The following RAB1A variants were observed in gnomAD, a reference collection of about 807,000 sequenced individuals.
RAB1A encodes the protein RAB1A, member RAS oncogene family, also known as ras-related protein Rab-1A.
A neutral mutation model predicts 26.0 loss-of-function variants in RAB1A; 2 were observed. The ratio of observed to expected loss-of-function variants is 0.08; its 90% CI spans 0.03 to 0.24. The LOEUF (loss-of-function observed/expected upper bound fraction) is 0.24, where lower values mean the gene tolerates loss of function less well. Among genes scored for constraint, RAB1A ranks in the 10% least tolerant of loss-of-function variants. The probability of loss-of-function intolerance (pLI) is 1.00; values close to 1 mark genes in which losing one functional copy is unlikely to be tolerated. For synonymous variants in RAB1A, 84 were observed against 84.9 expected (o/e 0.99, Z 0.06); for missense variants, 100 against 247.0 (o/e 0.40, Z 3.99).
At chr2:65,097,662 C>A (rs938620743) in intron 3 of RAB1A, among the ~76,000 whole-genome samples, 1 of 152,112 alleles carries the variant, frequency 6.6e-6, no homozygotes. Flanking sequence ...TGGTCTATAA[C>A]ATTTGCAGTG....
intron 1 of RAB1A, among the ~76,000 whole-genome samples, chr2:65,115,853 G>C (rs890611363): frequency 3.9e-5 from 6 of 152,146 alleles, no homozygotes; most frequent in African/African-American, 9.7e-5. Context: ...GTTTAGAACA[G>C]TATTCTAAAA....
At chr2:65,102,192 C>T (rs1280946650) in intron 2 of RAB1A, among the ~76,000 whole-genome samples, 1 of 151,904 alleles carries the variant, frequency 6.6e-6, no homozygotes, top group Admixed American at 6.6e-5. Flanking sequence ...TTTGCTATTG[C>T]CATTAGTTTT....
At chr2:65,128,873 A>G (rs893480575) in intron 1 of RAB1A, among the ~76,000 whole-genome samples, 1 of 152,232 alleles carries the variant, frequency 6.6e-6, no homozygotes, top group Non-Finnish European at 1.5e-5. Flanking sequence ...GGAGAGCCCA[A>G]CAAACTCTAC....
At chr2:65,089,834 C>CTAGGA (rs1280065554) in intron 4 of RAB1A, among the ~76,000 whole-genome samples, 1 of 151,956 alleles carries the variant, frequency 6.6e-6, no homozygotes, top group Non-Finnish European at 1.5e-5. Flanking sequence ...TCCCAAGTGG[C>CTAGGA]TAGGATTACA....
intron 2 of RAB1A, among the ~76,000 whole-genome samples, chr2:65,101,513 C>A (rs529705922): frequency 6.6e-6 from 1 of 152,106 alleles, no homozygotes; most frequent in South Asian, 2.1e-4. Flanking sequence ...AAACCTTTGA[C>A]TTCAAGCAAT....
chr2:65,098,822 A>G (rs1669349835), intron 2 of RAB1A, among the ~76,000 whole-genome samples: 1 of 146,800 alleles, frequency 6.8e-6, no homozygotes, highest in South Asian at 2.1e-4. Flanking sequence ...ATGTTGTACC[A>G]TGTAACAGTA....
At chr2:65,113,967 G>C (rs906339555) in intron 1 of RAB1A, among the ~76,000 whole-genome samples, 2 of 152,156 alleles carry the variant, frequency 1.3e-5, no homozygotes, top group African/African-American at 4.8e-5. Flanking sequence ...GAAAGGAGGA[G>C]AAAAGCGTTT....
chr2:65,120,128 C>T (rs1558587285), intron 1 of RAB1A, among the ~76,000 whole-genome samples: 2 of 151,828 alleles, frequency 1.3e-5, no homozygotes, highest in South Asian at 4.1e-4. Flanking sequence ...TTCATCTAAC[C>T]CACTTTAAGA....
chr2:65,120,556 T>C (rs1558587482), intron 1 of RAB1A, among the ~76,000 whole-genome samples: 1 of 151,694 alleles, frequency 6.6e-6, no homozygotes, highest in Admixed American at 6.6e-5. Flanking sequence ...ATATTGATAA[T>C]GATAGTTAAC....
intron 1 of RAB1A, among the ~76,000 whole-genome samples, chr2:65,107,952 T>C (rs1669600412): frequency 1.3e-5 from 2 of 151,362 alleles, no homozygotes; most frequent in Non-Finnish European, 2.9e-5. Context: ...TAATCTCAGC[T>C]ACTTGAGAGG....
chr2:65,095,407 T>C (rs989141134), intron 3 of RAB1A, among the ~76,000 whole-genome samples: 1 of 152,004 alleles, frequency 6.6e-6, no homozygotes, highest in African/African-American at 2.4e-5. Flanking sequence ...TGGGGTGCAA[T>C]GGTGCAATCT....
chr2:65,114,761 C>T (rs531876477), intron 1 of RAB1A, among the ~76,000 whole-genome samples: 1 of 151,816 alleles, frequency 6.6e-6, no homozygotes, highest in South Asian at 2.1e-4. Context: ...AGGAGAATGG[C>T]GTGAACCCGG....
intron 4 of RAB1A, 64 bp downstream of exon 4, chr2:65,090,919 T>G (rs1558575629): frequency 8.9e-7 from 1 of 1,126,014 alleles, no homozygotes; most frequent in East Asian, 2.5e-5. Context: ...TAAATGAATC[T>G]GACATTAATC....
At chr2:65,106,044 G>A (rs1455048602) in intron 1 of RAB1A, among the ~76,000 whole-genome samples, 6 of 152,146 alleles carry the variant, frequency 3.9e-5, no homozygotes, top group Non-Finnish European at 1.5e-5. Context: ...ACAGGTGTGA[G>A]CCACCGCACC....
intron 2 of RAB1A, among the ~76,000 whole-genome samples, chr2:65,102,593 T>C (rs1179879667): frequency 6.6e-6 from 1 of 151,128 alleles, no homozygotes; most frequent in Non-Finnish European, 1.5e-5. Flanking sequence ...TAGCCAATTC[T>C]GTTCTAATCT....
rs190934783 is a variant in RAB1A, at chr2:65,098,266, A to G, written c.97-200T>C. The stretch of plus-strand genomic sequence containing the variant: ...CATCCACTTTCAGTACTTACTTCAT[A>G]TTCTGATTACAAAGCACTACTTAAC... On this transcript the variant is annotated intron_variant, in intron 2 of 5. Coordinates refer to ENST00000409784, the MANE Select transcript of RAB1A (RefSeq NM_004161.5). Among the ~76,000 whole-genome samples the G allele has an allele frequency of 1.8e-4, 27 of 152,352 alleles. No homozygotes were observed. In the East Asian group the frequency reaches 4.8e-3, roughly 27 times the overall value.
intron 1 of RAB1A, among the ~76,000 whole-genome samples, chr2:65,121,651 G>C (rs544964639): frequency 9.9e-5 from 15 of 152,142 alleles, no homozygotes; most frequent in African/African-American, 3.4e-4. Flanking sequence ...ACACTCCCAG[G>C]GTGGTTCCAA....
chr2:65,104,155 T>C (rs1161072587), intron 2 of RAB1A, among the ~76,000 whole-genome samples: 1 of 152,196 alleles, frequency 6.6e-6, no homozygotes, highest in Non-Finnish European at 1.5e-5. Context: ...AAAAGTCCTT[T>C]ATCTGTCAGC....
At chr2:65,120,916 G>A (rs1179014554) in intron 1 of RAB1A, among the ~76,000 whole-genome samples, 1 of 152,120 alleles carries the variant, frequency 6.6e-6, no homozygotes, top group African/African-American at 2.4e-5. Context: ...TTTCACTGTT[G>A]AAGATCACTA....
Sources: gnomAD v4.1 joint callset for allele counts (sites outside exome capture counted in the v4.1 genomes callset) on GRCh38, gnomAD v4.1.1 for gene constraint, MANE v1.5 for transcripts, NCBI Gene and HGNC (gene_info 2026-07-23, HGNC 2026-07-21) for gene names.